The following TCF12 variants were observed in gnomAD, a reference collection of about 807,000 sequenced individuals.
TCF12 encodes the protein DNA-binding protein HTF4.
In TCF12, 45 loss-of-function variants were observed where a neutral mutation model predicts 86.0. The observed-to-expected ratio is 0.52, with a 90% CI of 0.41 to 0.67. TCF12 has a LOEUF of 0.67. Ranked by LOEUF, TCF12 falls within the 30% of genes least tolerant of loss-of-function variation. TCF12 has a pLI of 0.00. For synonymous variants in TCF12, 330 were observed against 299.6 expected (o/e 1.10, Z -1.05); for missense variants, 881 against 859.9 (o/e 1.02, Z -0.31).
chr15:57,226,100 A>T (rs1245736722), intron 8 of TCF12, among the ~76,000 whole-genome samples: 1 of 149,892 alleles, frequency 6.7e-6, no homozygotes, highest in African/African-American at 2.5e-5. Context: ...CTGACTCTTA[A>T]ATGTACATAT....
At chr15:57,157,491 T>G (rs1170712069) in intron 5 of TCF12, among the ~76,000 whole-genome samples, 1 of 152,092 alleles carries the variant, frequency 6.6e-6, no homozygotes, top group Non-Finnish European at 1.5e-5. Context: ...TATACAACTG[T>G]TAAGAAAAGT....
intron 6 of TCF12, among the ~76,000 whole-genome samples, chr15:57,181,919 T>C (rs2056379137): frequency 6.6e-6 from 1 of 152,186 alleles, no homozygotes; most frequent in Non-Finnish European, 1.5e-5. Flanking sequence ...GAGAAAAATG[T>C]CTGGATGACT....
chr15:57,192,046 G>C (rs538179027), intron 6 of TCF12, 112 bp from the exon 7 acceptor site: 1 of 1,238,480 alleles, frequency 8.1e-7, no homozygotes, highest in Non-Finnish European at 1.1e-6. Context: ...TAATGGGTGC[G>C]TTCTAAGTTA....
At chr15:57,097,233 C>T (rs1290402683) in intron 5 of TCF12, among the ~76,000 whole-genome samples, 1 of 151,878 alleles carries the variant, frequency 6.6e-6, no homozygotes, top group Non-Finnish European at 1.5e-5. Flanking sequence ...GTAATACAAC[C>T]CTGCCCTCAA....
intron 4 of TCF12, among the ~76,000 whole-genome samples, chr15:57,088,790 C>G (rs2048809656): frequency 2.0e-5 from 3 of 152,012 alleles, no homozygotes; most frequent in Admixed American, 2.0e-4. Flanking sequence ...AAGATCTCTA[C>G]TCGTTTGATA....
chr15:57,223,488 A>G (rs2058698050), intron 8 of TCF12, among the ~76,000 whole-genome samples: 1 of 151,922 alleles, frequency 6.6e-6, no homozygotes, highest in African/African-American at 2.4e-5. Flanking sequence ...ATGAATACTA[A>G]TTGATGTGGT....
At chr15:57,137,083 C>A (rs2052602245) in intron 5 of TCF12, among the ~76,000 whole-genome samples, 1 of 145,466 alleles carries the variant, frequency 6.9e-6, no homozygotes, top group Non-Finnish European at 1.5e-5. Flanking sequence ...GGGTTCACGC[C>A]ATTTTCCTGC....
intron 5 of TCF12, among the ~76,000 whole-genome samples, chr15:57,096,196 G>A (rs1188218097): frequency 2.0e-5 from 3 of 152,222 alleles, no homozygotes; most frequent in Non-Finnish European, 2.9e-5. Flanking sequence ...ACACCATTGC[G>A]TATCAGTTGT....
rs564129367 is a variant in TCF12, at chr15:57,262,079, T to A, written c.1468-15T>A. 2 of 1,572,266 alleles carry A rather than the reference T, an allele frequency of 1.3e-6. No homozygotes were observed. Among genetic ancestry groups the A allele is most frequent in the East Asian group, 4.5e-5 (2 of 44,546 alleles). ...TCTTAATCTTTTTTTATTTTTGGGT[T>A]TTCCTTAACTTTAGGTTGGAACTCA... is the stretch of plus-strand genomic sequence containing the variant. On this transcript the variant is annotated splice_polypyrimidine_tract_variant and intron_variant, in intron 16 of 20. Transcript: ENST00000333725.
intron 3 of TCF12, among the ~76,000 whole-genome samples, chr15:56,946,653 G>A (rs1384812558): frequency 1.3e-5 from 2 of 151,938 alleles, no homozygotes; most frequent in Admixed American, 1.3e-4. Context: ...CATAGTGAGT[G>A]TTACATTATT....
intron 3 of TCF12, among the ~76,000 whole-genome samples, chr15:56,950,136 T>C (rs1335972128): frequency 6.6e-6 from 1 of 152,238 alleles, no homozygotes; most frequent in Non-Finnish European, 1.5e-5. Context: ...CTCTCTGTCC[T>C]CCTTCACACT....
intron 3 of TCF12, among the ~76,000 whole-genome samples, chr15:57,021,915 G>T (rs532843987): frequency 6.6e-6 from 1 of 152,166 alleles, no homozygotes; most frequent in African/African-American, 2.4e-5. Flanking sequence ...TTGTACTGAG[G>T]GATGACTGTA....
At chr15:56,934,734 A>G (rs987791801) in intron 3 of TCF12, among the ~76,000 whole-genome samples, 17 of 152,196 alleles carry the variant, frequency 1.1e-4, no homozygotes, top group African/African-American at 4.1e-4. Flanking sequence ...AAGGGAATTG[A>G]CAAATCCAAA....
chr15:57,254,130 T>C (rs1345329204), intron 16 of TCF12, among the ~76,000 whole-genome samples: 2 of 152,254 alleles, frequency 1.3e-5, no homozygotes, highest in Non-Finnish European at 2.9e-5. Context: ...TTGAACCTGC[T>C]ATTTTAAACT....
chr15:57,266,343 G>C (rs898781307), intron 18 of TCF12, among the ~76,000 whole-genome samples: 2 of 152,068 alleles, frequency 1.3e-5, no homozygotes, highest in Non-Finnish European at 2.9e-5. Flanking sequence ...CTCCCAAAGT[G>C]CTGGGATTAC....
At chr15:57,150,947 C>T (rs1193144372) in intron 5 of TCF12, among the ~76,000 whole-genome samples, 1 of 140,746 alleles carries the variant, frequency 7.1e-6, no homozygotes, top group African/African-American at 2.7e-5. Context: ...TCTTCCCTTC[C>T]CCTCCCCTTT....
At chr15:57,053,846 T>G (rs2067803554) in intron 3 of TCF12, among the ~76,000 whole-genome samples, 2 of 152,230 alleles carry the variant, frequency 1.3e-5, no homozygotes. Context: ...AGTTATATTT[T>G]ATGACGAGGA....
At chr15:57,062,573 C>G (rs935156851) in intron 3 of TCF12, among the ~76,000 whole-genome samples, 2 of 152,128 alleles carry the variant, frequency 1.3e-5, no homozygotes, top group Non-Finnish European at 2.9e-5. Flanking sequence ...GACCCCTCCC[C>G]CTTCCCTGCT....
At chr15:56,965,106 A>C (rs1468909014) in intron 3 of TCF12, among the ~76,000 whole-genome samples, 1 of 152,218 alleles carries the variant, frequency 6.6e-6, no homozygotes, top group Non-Finnish European at 1.5e-5. Flanking sequence ...ACAGTGGATG[A>C]CTAAAGGCAC....
Sources: allele counts gnomAD v4.1 joint callset (sites outside exome capture counted in the v4.1 genomes callset), GRCh38; gene constraint gnomAD v4.1.1; transcripts MANE v1.5; gene names NCBI Gene and HGNC (gene_info 2026-07-23, HGNC 2026-07-21).